Variants in APBA3 observed in about 807,000 individuals in gnomAD.
APBA3 encodes amyloid-beta A4 precursor protein-binding family A member 3.
Under a neutral mutation model 55.9 loss-of-function variants are expected in APBA3, and 45 were observed. The observed-to-expected ratio is 0.80, with a 90% CI of 0.63 to 1.03. The LOEUF is 1.03. Ranked by LOEUF, APBA3 falls within the 50% of genes least tolerant of loss-of-function variation. The pLI is 0.00. For synonymous variants in APBA3, 370 were observed against 353.3 expected (o/e 1.05, Z -0.53); for missense variants, 865 against 820.3 (o/e 1.05, Z -0.67).
At chr19:3,753,128 G>T in intron 6 of APBA3, 138 bp from the exon 7 acceptor site, 1 of 997,902 alleles carries the variant, frequency 1.0e-6, no homozygotes, top group Non-Finnish European at 1.4e-6. Context: ...CTGCCCTGGG[G>T]CTTTGGGGGA....
intron 3 of APBA3, among the ~76,000 whole-genome samples, chr19:3,758,219 C>G (rs554666889): frequency 2.6e-5 from 4 of 152,162 alleles, no homozygotes; most frequent in South Asian, 4.2e-4. Context: ...TAGGCGTGAG[C>G]CACCGCGCCC....
Position 3,753,675 on chromosome 19 carries a change from G to A in APBA3, c.1011+90C>T. 4 of 1,246,374 alleles carry A rather than the reference G, an allele frequency of 3.2e-6. 1 individual carries two copies. In the South Asian group the frequency reaches 6.6e-5, roughly 21 times the overall value. 77.2% of individuals were successfully genotyped at this position (1,246,374 alleles called of 1,614,324 possible). On this transcript the variant is annotated intron_variant, in intron 6 of 10. Coordinates refer to ENST00000316757, the MANE Select transcript of APBA3 (RefSeq NM_004886.4). ...AAAGAATTTAAAAATAAGCTTATGG[G>A]AGGGAGGTTAAATGCACGGCCCACT...
At chr19:3,753,131 T>C in intron 6 of APBA3, 141 bp from the exon 7 acceptor site, 1 of 963,646 alleles carries the variant, frequency 1.0e-6, no homozygotes, top group Non-Finnish European at 1.5e-6. Context: ...CCCTGGGGCT[T>C]TGGGGGAGGT....
chr19:3,758,523 A>C (rs2037105551), intron 3 of APBA3, among the ~76,000 whole-genome samples: 1 of 152,000 alleles, frequency 6.6e-6, no homozygotes, highest in Non-Finnish European at 1.5e-5. Context: ...CCTCCCAAAG[A>C]GCTGGGATTA....
chr19:3,755,100 C>T (rs2037061462), intron 3 of APBA3: 1 of 152,262 alleles, frequency 6.6e-6, no homozygotes, highest in African/African-American at 2.4e-5. Flanking sequence ...TGCAGTCAGC[C>T]CAGGATAGCA....
In APBA3 at chr19:3,759,812, G is replaced by A. The variant is rs144664417; in HGVS notation, c.453C>T (p.Ser151=). Residue 151 remains serine (S), a synonymous_variant, in exon 2 of 11, where the codon TCC becomes TCT. Transcript: ENST00000316757. ...PPEDPDEDSD[S]PEWVEGASAE... ...CAGAGGCCCCCTCCACCCATTCTGG[G>A]GAGTCAGAATCCTCATCTGGGTCCT... is the stretch of plus-strand genomic sequence containing the variant. 859 of 1,612,728 alleles carry A rather than the reference G, an allele frequency of 5.3e-4. 5 individuals carry two copies. The African/African-American group carries it at 0.01, about 20-fold the overall frequency.
Position 3,753,827 on chromosome 19 carries a change from C to G in APBA3, c.949G>C (p.Ala317Pro), listed in dbSNP as rs2037040807. ...AGGCGGCGGCCGTGGTCCTGGGGTGCCGGCCTCCGTGCCAGCCGCCGCCGC... is the reference window on the plus strand; with the variant it reads ...AGGCGGCGGCCGTGGTCCTGGGGTGGCGGCCTCCGTGCCAGCCGCCGCCGC... Reference protein sequence around the residue: ...MARRRLARRPAPQDHGRRLYK... With the variant: ...MARRRLARRPPPQDHGRRLYK... The change falls in exon 6 of 11, where the codon GCA (alanine) becomes CCA (proline). Residue 317 changes from alanine to proline, a missense_variant. Transcript: ENST00000316757. 6.3e-7 allele frequency: 1 copy of G among 1,575,032 alleles called. No homozygotes were observed. Among genetic ancestry groups the G allele is most frequent in the African/African-American group, 1.3e-5 (1 of 74,410 alleles).
Position 3,752,684 on chromosome 19 carries a change from C to T in APBA3, c.1219G>A (p.Val407Met), listed in dbSNP as rs748411257. The change falls in exon 8 of 11, where the codon GTG (valine) becomes ATG (methionine). Residue 407 changes from valine (V) to methionine (M), a missense_variant. Physicochemically the swap from Val to Met is conservative, Grantham distance 21 (BLOSUM62 1). Coordinates refer to ENST00000316757, the MANE Select transcript of APBA3 (RefSeq NM_004886.4). ...LEKRRGEGLG[V>M]ALVESGWGSL... Reference sequence around the variant, plus strand: ...CCCCAGCCCGACTCCACCAGGGCCACGCCCAGGCCCTCCCCTCGCCGCTTC... The same window carrying T: ...CCCCAGCCCGACTCCACCAGGGCCATGCCCAGGCCCTCCCCTCGCCGCTTC... 1.0e-4 allele frequency: 160 copies of T among 1,593,294 alleles called. 2 individuals carry two copies. The East Asian group carries it at 1.8e-3, about 18-fold the overall frequency.
rs778995888 is a variant in APBA3, at chr19:3,752,844, G to A, written c.1158C>T (p.Phe386=). 6.2e-7 allele frequency: 1 copy of A among 1,613,362 alleles called. No homozygotes were observed. Among genetic ancestry groups the A allele is most frequent in the Admixed American group, 1.7e-5 (1 of 60,028 alleles). ...CHLHNGDLDH[F]SNSDNCREVH... ...CCTCCCGGCAGTTGTCACTGTTGGA[G>A]AAGTGGTCCAGGTCCCCATTATGGA... is the stretch of plus-strand genomic sequence containing the variant. The change falls in exon 7 of 11, where the codon TTC becomes TTT. Residue 386 remains phenylalanine, a synonymous_variant. Coordinates refer to ENST00000316757, the MANE Select transcript of APBA3 (RefSeq NM_004886.4).
Position 3,760,277 on chromosome 19 carries a change from G to T in APBA3, c.-13C>A, listed in dbSNP as rs147651557. On this transcript the variant is annotated 5_prime_UTR_variant, in exon 2 of 11. In the 5' UTR this introduces an upstream ATG that the reference lacks. Coordinates refer to ENST00000316757, the MANE Select transcript of APBA3 (RefSeq NM_004886.4). The stretch of plus-strand genomic sequence containing the variant: ...TGGGGAAGTCCATGCCTGGACTCCA[G>T]GCTTAGGCCGGCATCTTCAGGCAGC... The T allele has an allele frequency of 1.9e-6, 3 of 1,575,882 alleles. No homozygotes were observed. Among genetic ancestry groups the T allele is most frequent in the Non-Finnish European group, 2.6e-6 (3 of 1,170,580 alleles).
chr19:3,758,638 A>G (rs954420417), intron 3 of APBA3, among the ~76,000 whole-genome samples: 7 of 151,770 alleles, frequency 4.6e-5, no homozygotes, highest in African/African-American at 1.5e-4. Flanking sequence ...CTAGCACTTT[A>G]GGAGGCCAAG....
At position 3,751,424 on chromosome 19, in the gene APBA3, G is replaced by A. The variant is rs1236328874; in HGVS notation, c.1515+10C>T. 1.3e-5 allele frequency: 20 copies of A among 1,525,676 alleles called. No homozygotes were observed. The highest frequency in any genetic ancestry group is 1.4e-5 in the African/African-American group (1 of 72,444). The allele number at this position is 1,525,676 out of a possible 1,614,324, so 94.5% of individuals were successfully genotyped here. ...CCCCCCCACCCCGGGGCCAGGGGCC[G>A]GGGCCTCACGATGCCGTCCTCCACG... On this transcript the variant is annotated intron_variant, in intron 9 of 10. Coordinates refer to ENST00000316757, the MANE Select transcript of APBA3 (RefSeq NM_004886.4).
Position 3,751,500 on chromosome 19 carries a change from G to C in APBA3, c.1449C>G (p.Val483=), listed in dbSNP as rs769681561. 2.5e-6 allele frequency: 4 copies of C among 1,583,944 alleles called. No individual in the cohort carries two copies. The highest frequency in any genetic ancestry group is 3.4e-6 in the Non-Finnish European group (4 of 1,168,360). Residue 483 remains valine, a synonymous_variant, in exon 9 of 11, where the codon GTC becomes GTG. Coordinates refer to ENST00000316757, the MANE Select transcript of APBA3 (RefSeq NM_004886.4). ...GGGGCCGGTGGATGATGGCGGTGGTGACGGGAGGGCAGTGGACGATGCTGA... is the reference window on the plus strand; with the variant it reads ...GGGGCCGGTGGATGATGGCGGTGGTCACGGGAGGGCAGTGGACGATGCTGA... ...VTLSIVHCPP[V]TTAIIHRPHA...
intron 3 of APBA3, among the ~76,000 whole-genome samples, chr19:3,757,109 ACT>A (rs1317468553): frequency 1.3e-5 from 2 of 151,120 alleles, no homozygotes; most frequent in African/African-American, 2.4e-5. Context: ...CAACCACAGA[ACT>A]GTTTTTTTTT....
rs894897132 is a variant in APBA3, at chr19:3,755,567, G to C, written c.617-1227C>G. The C allele has an allele frequency of 2.8e-5, 4 of 141,030 alleles. 1 individual carries two copies. The highest frequency in any genetic ancestry group is 1.0e-4 in the African/African-American group (4 of 38,998). 8.7% of individuals were successfully genotyped at this position (141,030 alleles called of 1,614,324 possible). ...CCAGCACTTTAGGAGGCCGGGGGGG[G>C]GGGGTGGATCACCTGAGGTCAGGAG... is the stretch of plus-strand genomic sequence containing the variant. On this transcript the variant is annotated intron_variant, in intron 3 of 10. Transcript: ENST00000316757.
At chr19:3,751,411 G>A (rs115055172) in intron 9 of APBA3, 23 bp downstream of exon 9, 46,019 of 1,515,886 alleles carry the variant, frequency 0.03, 832 homozygotes, top group African/African-American at 0.066. Context: ...CCCCCACCCC[G>A]GGGCCAGGGG....
chr19:3,753,313 C>T (rs1345330604), intron 6 of APBA3: 6 of 444,332 alleles, frequency 1.4e-5, no homozygotes, highest in Middle Eastern at 5.9e-4. Context: ...AGCCCAGGAG[C>T]GGGCAAGGTT....
At chr19:3,754,697 C>T (rs949896254) in intron 3 of APBA3, 14 of 210,578 alleles carry the variant, frequency 6.6e-5, no homozygotes, top group African/African-American at 3.3e-4. Flanking sequence ...GACACGGTCT[C>T]GCTCTGTCGC....
intron 3 of APBA3, 104 bp downstream of exon 3, chr19:3,759,457 C>T (rs1225713273): frequency 9.9e-6 from 12 of 1,211,518 alleles, no homozygotes; most frequent in African/African-American, 4.5e-5. Context: ...CAGAGGCTCC[C>T]GAGAACCTCG....
Sources: gnomAD v4.1 joint callset for allele counts (sites outside exome capture counted in the v4.1 genomes callset) on GRCh38, gnomAD v4.1.1 for gene constraint, MANE v1.5 for transcripts, NCBI Gene and HGNC (gene_info 2026-07-23, HGNC 2026-07-21) for gene names.